Variants in IGHMBP2 observed in about 807,000 individuals in gnomAD.
IGHMBP2 encodes the protein DNA-binding protein SMUBP-2.
IGHMBP2 carries 81 observed loss-of-function variants against 96.0 expected under a neutral mutation model. The ratio of observed to expected loss-of-function variants is 0.84; its 90% CI spans 0.71 to 1.01. The LOEUF is 1.01. IGHMBP2 is among the 50% of genes least tolerant of loss of function. The pLI, the probability that IGHMBP2 is intolerant of heterozygous loss-of-function variation, is 0.00. For missense variants in IGHMBP2, 1,227 were observed against 1,306.3 expected, an observed-to-expected ratio of 0.94 and a Z score of 0.94; for synonymous variants, 557 against 548.9, an observed-to-expected ratio of 1.01 and a Z score of -0.21.
At position 68,904,804 on chromosome 11, in the gene IGHMBP2, T is replaced by TTTTC. The variant is rs1491249390; in HGVS notation, c.86+769_86+770insCTTT. On this transcript the variant is annotated intron_variant, in intron 1 of 14. Transcript: ENST00000255078. ...TGTAAGTTTCTTTTTTTTCTTTTTC[T>TTTTC]TTTTTTTTTTTTTAGACAGAGTCTC... Among the ~76,000 whole-genome samples, 48 of 24,920 alleles carry TTTTC rather than the reference T, an allele frequency of 1.9e-3. 2 individuals carry two copies. Among genetic ancestry groups the TTTTC allele is most frequent in the African/African-American group, 3.8e-3 (47 of 12,424 alleles). The allele number at this position is 24,920 out of a possible 152,430, so 16.3% of individuals were successfully genotyped here. A position where few individuals can be genotyped will look rare whatever the true frequency, so the allele number is the denominator to read the frequency against.
Position 68,940,273 on chromosome 11 carries a change from A to C in IGHMBP2, c.*542A>C. The C allele has an allele frequency of 6.4e-6, 1 of 155,616 alleles. No individual in the cohort carries two copies. Among genetic ancestry groups the C allele is most frequent in the Non-Finnish European group, 1.4e-5 (1 of 70,280 alleles). 9.6% of individuals were successfully genotyped at this position (155,616 alleles called of 1,614,324 possible). On this transcript the variant is annotated 3_prime_UTR_variant, in exon 15 of 15. Coordinates refer to ENST00000255078, the MANE Select transcript of IGHMBP2 (RefSeq NM_002180.3). ...TGCAGTGTTCCCCCTCCTCCTCACCACGGGGCTCCTGTGAGTCTGGGGGGC... is the reference window on the plus strand; with the variant it reads ...TGCAGTGTTCCCCCTCCTCCTCACCCCGGGGCTCCTGTGAGTCTGGGGGGC...
At position 68,914,972 on chromosome 11, in the gene IGHMBP2, C is replaced by G. The variant is rs564645287; in HGVS notation, c.861C>G (p.Ser287Arg). ...CCCTGGATGCGGTTTTAGCGCGGAG[C>G]GACAGTGCCCAGATTGTTGCAGATA... ...QHSLDAVLAR[S>R]DSAQIVADIR... The change falls in exon 6 of 15, where the codon AGC becomes AGG. Residue 287 changes from serine to arginine, a missense_variant. Physicochemically the swap from Ser to Arg is moderately radical, Grantham distance 110 (BLOSUM62 -1). Coordinates refer to ENST00000255078, the MANE Select transcript of IGHMBP2 (RefSeq NM_002180.3). 2.4e-4 allele frequency: 382 copies of G among 1,614,096 alleles called. 4 individuals are homozygous for G. The South Asian group carries it at 4.0e-3, about 17-fold the overall frequency.
intron 2 of IGHMBP2, among the ~76,000 whole-genome samples, chr11:68,906,885 G>A (rs551499559): frequency 1.7e-4 from 26 of 152,060 alleles, no homozygotes; most frequent in African/African-American, 6.0e-4. Context: ...CAGGTGATCC[G>A]CCTGCTTTGG....
At chr11:68,923,719 C>G (rs907274535) in intron 7 of IGHMBP2, among the ~76,000 whole-genome samples, 1 of 152,100 alleles carries the variant, frequency 6.6e-6, no homozygotes, top group Admixed American at 6.6e-5. Flanking sequence ...AGGTGCTGTT[C>G]CCGGCCTTGT....
chr11:68,906,100 C>T lies in IGHMBP2; in HGVS notation c.118C>T (p.Leu40Phe). 6.2e-7 allele frequency: 1 copy of T among 1,614,170 alleles called. No individual in the cohort carries two copies. The highest frequency in any genetic ancestry group is 8.5e-7 in the Non-Finnish European group (1 of 1,180,008). The change falls in exon 2 of 15, where the codon CTC becomes TTC. Residue 40 changes from leucine (L) to phenylalanine (F), a missense_variant. Around this residue, in one of 3 missense-constraint regions of IGHMBP2, gnomAD observed 507 missense variants for 496.9 expected, o/e 1.02. Coordinates refer to ENST00000255078, the MANE Select transcript of IGHMBP2 (RefSeq NM_002180.3). ...SWQENISLKE[L>F]QSRGVCLLKL... ...GCAGGAGAACATCTCTCTGAAAGAGCTCCAGAGCCGAGGCGTGTGTTTGCT... is the reference window on the plus strand; with the variant it reads ...GCAGGAGAACATCTCTCTGAAAGAGTTCCAGAGCCGAGGCGTGTGTTTGCT...
intron 2 of IGHMBP2, 147 bp from the exon 3 acceptor site, chr11:68,907,998 T>G: frequency 1.3e-6 from 1 of 754,744 alleles, no homozygotes; most frequent in Non-Finnish European, 2.2e-6. Flanking sequence ...CTAACTTACT[T>G]TCTTTTTTTT....
chr11:68,907,252 CCT>C (rs1858239380), intron 2 of IGHMBP2, among the ~76,000 whole-genome samples: 1 of 151,940 alleles, frequency 6.6e-6, no homozygotes, highest in African/African-American at 2.4e-5. Context: ...AAAGTGAGAC[CCT>C]CTCTCAAAAC....
At chr11:68,908,673 T>C (rs1180304061) in intron 4 of IGHMBP2, 42 bp downstream of exon 4, 1 of 1,343,864 alleles carries the variant, frequency 7.4e-7, no homozygotes, top group Non-Finnish European at 1.1e-6. Context: ...AAATCACTAC[T>C]GAAAGTATAG....
At chr11:68,930,464 A>AGG in intron 8 of IGHMBP2, 1 of 1,284,576 alleles carries the variant, frequency 7.8e-7, no homozygotes, top group Non-Finnish European at 1.0e-6. Context: ...AAAAATAGTA[A>AGG]TTGAGAGTGA....
chr11:68,908,191 G>A lies in IGHMBP2; in HGVS notation c.303G>A (p.Leu101=), dbSNP rs1281690554. 6.8e-6 allele frequency: 11 copies of A among 1,613,966 alleles called. No homozygotes were observed. Among genetic ancestry groups the A allele is most frequent in the South Asian group, 4.4e-5 (4 of 91,012 alleles). ...LYDAANEGSQ[L]ATGILTRVTQ... is the part of the protein sequence containing the mutation. Reference sequence around the variant, plus strand: ...ATGCTGCTAATGAGGGCAGTCAGCTGGCCACTGGGATCTTGACCCGGGTCA... The same window carrying A: ...ATGCTGCTAATGAGGGCAGTCAGCTAGCCACTGGGATCTTGACCCGGGTCA... Residue 101 remains leucine, a synonymous_variant, in exon 3 of 15, where the codon CTG becomes CTA. Transcript: ENST00000255078.
Position 68,939,826 on chromosome 11 carries a change from C to T in IGHMBP2, c.*95C>T, listed in dbSNP as rs556534502. ...CGCCTCCACCAGGGCCACAGAGGAG[C>T]GGAGGGGCCTATGGGGGAGGAGCGG... On this transcript the variant is annotated 3_prime_UTR_variant, in exon 15 of 15. Transcript: ENST00000255078. 52 of 1,341,516 alleles carry T rather than the reference C, an allele frequency of 3.9e-5. No individual in the cohort carries two copies. Among genetic ancestry groups the T allele is most frequent in the South Asian group, 1.1e-4 (8 of 73,968 alleles). The allele number at this position is 1,341,516 out of a possible 1,614,324, so 83.1% of individuals were successfully genotyped here.
At position 68,914,825 on chromosome 11, in the gene IGHMBP2, T is replaced by C. The variant is rs755582766; in HGVS notation, c.714T>C (p.Val238=). 5 of 1,614,162 alleles carry C rather than the reference T, an allele frequency of 3.1e-6. No homozygotes were observed. The highest frequency in any genetic ancestry group is 2.2e-5 in the East Asian group (1 of 44,906). Residue 238 remains valine (V), a splice_region_variant and synonymous_variant, in exon 6 of 15, where the codon GTT becomes GTC. Transcript: ENST00000255078. ...ILQAVKQGLK[V]LCCAPSNIAV... is the part of the protein sequence containing the mutation. Reference sequence around the variant, plus strand: ...AGATCCTAACTTGCGGTTCCCAGGTTCTGTGCTGCGCCCCCTCCAACATCG... The same window carrying C: ...AGATCCTAACTTGCGGTTCCCAGGTCCTGTGCTGCGCCCCCTCCAACATCG...
At chr11:68,915,561 C>T (rs1858629749) in intron 6 of IGHMBP2, among the ~76,000 whole-genome samples, 1 of 151,934 alleles carries the variant, frequency 6.6e-6, no homozygotes, top group Non-Finnish European at 1.5e-5. Context: ...TGGCTCACTG[C>T]AGGCTCCGCC....
At position 68,933,293 on chromosome 11, in the gene IGHMBP2, G is replaced by C. The variant is rs201538340; in HGVS notation, c.1236-6G>C. 2.4e-5 allele frequency: 38 copies of C among 1,610,804 alleles called. No individual in the cohort carries two copies. Among genetic ancestry groups the C allele is most frequent in the Admixed American group, 8.4e-5 (5 of 59,708 alleles). ...TGCCTTCCCCCTTTCTCCCTCCTGG[G>C]CGCAGGGCTGCGCTGGCAGGACTGT... is the stretch of plus-strand genomic sequence containing the variant. On this transcript the variant is annotated splice_region_variant and splice_polypyrimidine_tract_variant and intron_variant, in intron 8 of 14. Coordinates refer to ENST00000255078, the MANE Select transcript of IGHMBP2 (RefSeq NM_002180.3).
At chr11:68,925,449 A>G (rs954316718) in intron 7 of IGHMBP2, among the ~76,000 whole-genome samples, 2 of 152,112 alleles carry the variant, frequency 1.3e-5, no homozygotes, top group Non-Finnish European at 2.9e-5. Context: ...ACACCTGGCT[A>G]GATTCTAATT....
At position 68,914,086 on chromosome 11, in the gene IGHMBP2, G is replaced by A. The variant is rs530156750; in HGVS notation, c.712-737G>A. ...GGAGGGCAAGGAGGCACCTGTAGTG[G>A]TCTGGTGATTTTCAGATCTTTGATA... On this transcript the variant is annotated intron_variant, in intron 5 of 14. Coordinates refer to ENST00000255078, the MANE Select transcript of IGHMBP2 (RefSeq NM_002180.3). Among the ~76,000 whole-genome samples the A allele has an allele frequency of 5.3e-5, 8 of 152,320 alleles. No individual in the cohort carries two copies. The East Asian group carries it at 1.4e-3, about 26-fold the overall frequency.
In IGHMBP2 at chr11:68,940,255, T is replaced by C. The variant is rs192025232; in HGVS notation, c.*524T>C. On this transcript the variant is annotated 3_prime_UTR_variant, in exon 15 of 15. Transcript: ENST00000255078. The stretch of plus-strand genomic sequence containing the variant: ...CTTCTGTCTGCTGGTGACTGCAGTG[T>C]TCCCCCTCCTCCTCACCACGGGGCT... 2.8e-3 allele frequency: 443 copies of C among 160,454 alleles called. 2 individuals carry two copies. Among genetic ancestry groups the C allele is most frequent in the Non-Finnish European group, 4.7e-3 (343 of 72,896 alleles). The allele number at this position is 160,454 out of a possible 1,614,324, so 9.9% of individuals were successfully genotyped here.
At chr11:68,929,102 T>C (rs1311778880) in intron 7 of IGHMBP2, 81 bp from the exon 8 acceptor site, 20 of 1,292,784 alleles carry the variant, frequency 1.5e-5, no homozygotes, top group Non-Finnish European at 2.1e-5. Context: ...AACCCCAGCT[T>C]GATGGTGTCT....
intron 7 of IGHMBP2, among the ~76,000 whole-genome samples, chr11:68,928,217 T>C (rs1420908648): frequency 2.6e-5 from 4 of 152,222 alleles, no homozygotes; most frequent in African/African-American, 9.6e-5. Flanking sequence ...TTGTGGCCTT[T>C]CTGTTCCCTG....
Sources: gnomAD v4.1 joint callset for allele counts (sites outside exome capture counted in the v4.1 genomes callset) on GRCh38, gnomAD v4.1.1 for gene constraint, gnomAD v4.1.1 regional missense constraint, MANE v1.5 for transcripts, NCBI Gene and HGNC (gene_info 2026-07-23, HGNC 2026-07-21) for gene names.